FHIT: variants seen among roughly 807,000 people sequenced by gnomAD.
FHIT encodes the protein bis(5'-adenosyl)-triphosphatase.
Under a neutral mutation model 17.9 loss-of-function variants are expected in FHIT, and 19 were observed. That is an observed-to-expected ratio of 1.06 (90% CI 0.74 to 1.56). The LOEUF (loss-of-function observed/expected upper bound fraction) is 1.56. Ranked by LOEUF, FHIT falls within the 40% of genes most tolerant of loss-of-function variation. FHIT has a pLI of 0.00. For missense variants in FHIT, 248 were observed against 189.2 expected, an observed-to-expected ratio of 1.31 and a Z score of -1.82; for synonymous variants, 81 against 69.7, an observed-to-expected ratio of 1.16 and a Z score of -0.81.
chr3:60,641,472 G>T (rs567913230), intron 4 of FHIT, among the ~76,000 whole-genome samples: 1 of 152,088 alleles, frequency 6.6e-6, no homozygotes, highest in African/African-American at 2.4e-5. Context: ...AAAATGTCTT[G>T]CTTCAGAATT....
intron 8 of FHIT, among the ~76,000 whole-genome samples, chr3:59,916,929 G>A (rs1375819917): frequency 3.3e-5 from 5 of 152,228 alleles, no homozygotes; most frequent in Non-Finnish European, 1.5e-5. Flanking sequence ...TTACCACTCA[G>A]TGGGAGGACA....
At chr3:61,108,589 C>A (rs1045624173) in intron 2 of FHIT, among the ~76,000 whole-genome samples, 49 of 152,208 alleles carry the variant, frequency 3.2e-4, no homozygotes, top group African/African-American at 1.1e-3. Flanking sequence ...TCTCCTAGAG[C>A]ACTTGAGTTT....
At chr3:59,997,516 A>G (rs1162079903) in intron 7 of FHIT, among the ~76,000 whole-genome samples, 1 of 152,194 alleles carries the variant, frequency 6.6e-6, no homozygotes, top group Non-Finnish European at 1.5e-5. Context: ...ATGCATTTAT[A>G]TGTTAAAAGC....
chr3:60,571,443 A>G (rs2037381422), intron 4 of FHIT, among the ~76,000 whole-genome samples: 1 of 151,866 alleles, frequency 6.6e-6, no homozygotes, highest in African/African-American at 2.4e-5. Context: ...ATTAATATCA[A>G]TTAATTTTCT....
intron 7 of FHIT, among the ~76,000 whole-genome samples, chr3:59,932,348 T>C (rs547564382): frequency 6.6e-5 from 10 of 152,348 alleles, no homozygotes; most frequent in East Asian, 5.8e-4. Context: ...AAAAAGTAGA[T>C]AGACTTCCTT....
intron 4 of FHIT, among the ~76,000 whole-genome samples, chr3:60,659,512 G>C (rs782374423): frequency 1.3e-5 from 2 of 151,838 alleles, no homozygotes; most frequent in Non-Finnish European, 2.9e-5. Flanking sequence ...CTATCTTCAA[G>C]TTTACTGACT....
chr3:59,798,400 T>C (rs1354755444), intron 8 of FHIT, among the ~76,000 whole-genome samples: 2 of 152,192 alleles, frequency 1.3e-5, no homozygotes, highest in Non-Finnish European at 2.9e-5. Context: ...TACCAAGAGT[T>C]TCCTCTCAGA....
chr3:61,238,253 C>T (rs905089306), intron 1 of FHIT, among the ~76,000 whole-genome samples: 1 of 152,174 alleles, frequency 6.6e-6, no homozygotes, highest in Non-Finnish European at 1.5e-5. Context: ...CTGTAGATTT[C>T]ACTTGCATAT....
chr3:59,755,788 C>A (rs1053595934), intron 8 of FHIT, among the ~76,000 whole-genome samples: 1 of 152,130 alleles, frequency 6.6e-6, no homozygotes. Context: ...GAGCTAGCCT[C>A]ATTGCAAAGG....
At chr3:60,253,328 A>G (rs1399747929) in intron 5 of FHIT, among the ~76,000 whole-genome samples, 1 of 152,230 alleles carries the variant, frequency 6.6e-6, no homozygotes, top group African/African-American at 2.4e-5. Flanking sequence ...ATGGATGGAA[A>G]GTATTCTGGC....
Position 60,347,675 on chromosome 3 carries a change from T to G in FHIT, c.103+189185A>C, listed in dbSNP as rs1231001196. Among the ~76,000 whole-genome samples, 44 of 27,728 alleles carry G rather than the reference T, an allele frequency of 1.6e-3. 1 individual carries two copies. Among genetic ancestry groups the G allele is most frequent in the South Asian group, 7.6e-3 (2 of 264 alleles). The allele number at this position is 27,728 out of a possible 152,430, so 18.2% of individuals were successfully genotyped here. A position where few individuals can be genotyped will look rare whatever the true frequency, so the allele number is the denominator to read the frequency against. On this transcript the variant is annotated intron_variant, in intron 5 of 9. Transcript: ENST00000492590. ...TCCTGTCTTCAGATCACCACTGGTT[T>G]GGGGGGGGGGGGGGTTTGTTTTTTG...
chr3:60,000,247 A>G (rs987583366), intron 7 of FHIT, among the ~76,000 whole-genome samples: 1 of 152,208 alleles, frequency 6.6e-6, no homozygotes, highest in Admixed American at 6.5e-5. Flanking sequence ...AGGATTAATG[A>G]AAGTCATTAC....
intron 3 of FHIT, among the ~76,000 whole-genome samples, chr3:60,862,061 T>C (rs1407745905): frequency 6.6e-6 from 1 of 152,094 alleles, no homozygotes; most frequent in Non-Finnish European, 1.5e-5. Flanking sequence ...CAAATGCTTA[T>C]AGAATATCTA....
At chr3:60,375,676 T>C (rs1016216795) in intron 5 of FHIT, among the ~76,000 whole-genome samples, 7 of 152,112 alleles carry the variant, frequency 4.6e-5, no homozygotes, top group African/African-American at 1.2e-4. Flanking sequence ...AACTGGTTAG[T>C]TGTAGTTACT....
chr3:59,762,786 C>T (rs1386506191), intron 8 of FHIT, among the ~76,000 whole-genome samples: 2 of 151,044 alleles, frequency 1.3e-5, no homozygotes, highest in Non-Finnish European at 1.5e-5. Flanking sequence ...TCGCTGATCA[C>T]CAACACCTCA....
chr3:60,406,790 G>T (rs1428893630), intron 5 of FHIT, among the ~76,000 whole-genome samples: 2 of 151,988 alleles, frequency 1.3e-5, no homozygotes, highest in East Asian at 3.9e-4. Flanking sequence ...CCTAATGTTG[G>T]CAACTGTTTA....
chr3:60,850,482 T>C (rs1463319655), intron 3 of FHIT, among the ~76,000 whole-genome samples: 4 of 151,982 alleles, frequency 2.6e-5, no homozygotes, highest in Admixed American at 1.3e-4. Context: ...CTCACTCCAT[T>C]ACATTAATCT....
chr3:61,213,090 G>C (rs1193924401), intron 1 of FHIT, among the ~76,000 whole-genome samples: 1 of 152,132 alleles, frequency 6.6e-6, no homozygotes, highest in Non-Finnish European at 1.5e-5. Flanking sequence ...GGAAGAAACT[G>C]CATCAACTAA....
intron 8 of FHIT, among the ~76,000 whole-genome samples, chr3:59,766,645 G>C (rs1212126092): frequency 6.6e-6 from 1 of 151,986 alleles, no homozygotes; most frequent in Non-Finnish European, 1.5e-5. Context: ...TATACATTTC[G>C]CATGCTTTCC....
Sources: gnomAD v4.1 joint callset for allele counts (sites outside exome capture counted in the v4.1 genomes callset) on GRCh38, gnomAD v4.1.1 for gene constraint, MANE v1.5 for transcripts, NCBI Gene and HGNC (gene_info 2026-07-23, HGNC 2026-07-21) for gene names.